Variants in CHD5 observed in about 807,000 individuals in gnomAD.
The protein encoded by CHD5 is ATP-dependent chromatin remodeler CHD5.
CHD5 carries 69 observed loss-of-function variants against 230.3 expected under a neutral mutation model. That is an observed-to-expected ratio of 0.30 (90% CI 0.25 to 0.37). The LOEUF is 0.37. Ranked by LOEUF, CHD5 falls within the 10% of genes least tolerant of loss-of-function variation. The pLI, the probability that CHD5 is intolerant of heterozygous loss-of-function variation, is 1.00. For missense variants in CHD5, 1,827 were observed against 2,622.8 expected, an observed-to-expected ratio of 0.70 and a Z score of 6.63; for synonymous variants, 1,064 against 1,065.9, an observed-to-expected ratio of 1.00 and a Z score of 0.03.
chr1:6,111,028 G>A (rs1666279013), intron 36 of CHD5, among the ~76,000 whole-genome samples: 1 of 151,968 alleles, frequency 6.6e-6, no homozygotes, highest in Non-Finnish European at 1.5e-5. Flanking sequence ...CCAGGAGCTC[G>A]AGACCAGCCT....
intron 38 of CHD5, among the ~76,000 whole-genome samples, chr1:6,107,356 T>A (rs1191461896): frequency 1.9e-5 from 2 of 106,672 alleles, no homozygotes; most frequent in South Asian, 3.6e-4. Flanking sequence ...GGAGGGATAA[T>A]GAAGGAATGA....
In CHD5 at chr1:6,142,645, G is replaced by A. The variant is rs765536397; in HGVS notation, c.2044-40C>T. 1 of 1,574,238 alleles carries A rather than the reference G, an allele frequency of 6.4e-7. No individual in the cohort carries two copies. Among genetic ancestry groups the A allele is most frequent in the Non-Finnish European group, 8.6e-7 (1 of 1,160,004 alleles). ...GCGGTTCAGACACGCCCCAGATCCT[G>A]GGCCACCAGAGTCCACACTACAGGC... On this transcript the variant is annotated intron_variant, in intron 13 of 41. Coordinates refer to ENST00000262450, the MANE Select transcript of CHD5 (RefSeq NM_015557.3). The surrounding 1 kb of genome is among the most constrained non-coding windows in gnomAD (Gnocchi z 5.2).
intron 17 of CHD5, among the ~76,000 whole-genome samples, chr1:6,135,678 T>C (rs1292094625): frequency 1.3e-5 from 2 of 152,210 alleles, no homozygotes; most frequent in African/African-American, 2.4e-5. Context: ...CTGACTCTGA[T>C]GAGTGCCCGA....
chr1:6,138,364 G>A (rs1467464360), intron 15 of CHD5, among the ~76,000 whole-genome samples: 11 of 151,666 alleles, frequency 7.3e-5, no homozygotes, highest in Non-Finnish European at 1.3e-4. Flanking sequence ...GTGACAGAGT[G>A]AGTCTCTGTC....
chr1:6,128,726 G>A lies in CHD5; in HGVS notation c.3619+112C>T, dbSNP rs563135947. The A allele has an allele frequency of 4.8e-6, 6 of 1,247,490 alleles. No individual in the cohort carries two copies. In the Admixed American group the frequency reaches 7.5e-5, roughly 15 times the overall value. The allele number at this position is 1,247,490 out of a possible 1,614,324, so 77.3% of individuals were successfully genotyped here. ...TAGCCAGGAGATACAGGTGGGGGGT[G>A]CAGAAGAGAGGCTGTGTGTTGGAGC... On this transcript the variant is annotated intron_variant, in intron 23 of 41. Transcript: ENST00000262450. The surrounding 1 kb of genome is among the most constrained non-coding windows in gnomAD (Gnocchi z 7.8).
chr1:6,161,148 G>A (rs575379752), intron 2 of CHD5, among the ~76,000 whole-genome samples: 88 of 150,546 alleles, frequency 5.8e-4, no homozygotes, highest in African/African-American at 2.1e-3. Context: ...GAAAGGAAAG[G>A]GTGGCAGAAG....
Position 6,121,157 on chromosome 1 carries a change from C to T in CHD5, c.4860G>A (p.Glu1620=), listed in dbSNP as rs139651442. 4.0e-4 allele frequency: 643 copies of T among 1,614,022 alleles called. No individual in the cohort carries two copies. Among genetic ancestry groups the T allele is most frequent in the Non-Finnish European group, 3.7e-4 (438 of 1,179,958 alleles). ...SPASKERARE[E]RPEETEKAPP... The stretch of plus-strand genomic sequence containing the variant: ...GGGCCTTCTCCGTCTCCTCTGGCCG[C>T]TCCTCTCGGGCTCTCTCCTTGCTGG... The change falls in exon 33 of 42, where the codon GAG becomes GAA. Residue 1620 remains glutamate (E), a synonymous_variant. Coordinates refer to ENST00000262450, the MANE Select transcript of CHD5 (RefSeq NM_015557.3). This position sits in a 1 kb window ranked among gnomAD's most constrained non-coding sequence, Gnocchi z 4.5.
chr1:6,113,041 A>G (rs779541844), intron 33 of CHD5, 43 bp from the exon 34 acceptor site: 1 of 1,371,780 alleles, frequency 7.3e-7, no homozygotes, highest in Non-Finnish European at 1.0e-6. Flanking sequence ...GGGGTCCCAG[A>G]AAACACAGAG....
intron 37 of CHD5, 102 bp from the exon 38 acceptor site, chr1:6,110,092 G>A (rs1666261080): frequency 1.7e-6 from 2 of 1,157,092 alleles, no homozygotes; most frequent in Admixed American, 5.8e-5. Context: ...GCAGAAAGGA[G>A]GGAAAGAGGA....
Position 6,142,681 on chromosome 1 carries a change from G to A in CHD5, c.2044-76C>T, listed in dbSNP as rs964572554. The A allele has an allele frequency of 2.1e-6, 3 of 1,432,226 alleles. No homozygotes were observed. The highest frequency in any genetic ancestry group is 1.3e-5 in the South Asian group (1 of 74,912). The allele number at this position is 1,432,226 out of a possible 1,614,324, so 88.7% of individuals were successfully genotyped here. ...GTCCACACTACAGGCCTTTGCACAT[G>A]CAATTCCTTCTGCCTGGAACACTCT... is the stretch of plus-strand genomic sequence containing the variant. On this transcript the variant is annotated intron_variant, in intron 13 of 41. Transcript: ENST00000262450. The surrounding 1 kb of genome is among the most constrained non-coding windows in gnomAD (Gnocchi z 5.2).
intron 1 of CHD5, among the ~76,000 whole-genome samples, chr1:6,176,803 T>C (rs1201371560): frequency 2.0e-5 from 3 of 152,188 alleles, no homozygotes. Flanking sequence ...CTGCCTGGCT[T>C]GTCCAAGACC....
intron 13 of CHD5, among the ~76,000 whole-genome samples, chr1:6,143,062 T>C (rs1571156737): frequency 4.1e-5 from 1 of 24,220 alleles, no homozygotes; most frequent in Non-Finnish European, 1.5e-4. Flanking sequence ...AGACATTTAC[T>C]TTTTTTTTTT....
At chr1:6,135,183 G>C (rs769454249) in intron 18 of CHD5, 47 bp downstream of exon 18, 1 of 1,608,552 alleles carries the variant, frequency 6.2e-7, no homozygotes, top group Non-Finnish European at 8.5e-7. Flanking sequence ...GACCAGCCCA[G>C]GGGAAAGGGC....
Position 6,109,775 on chromosome 1 carries a change from G to A in CHD5, c.5578+20C>T, listed in dbSNP as rs758655351. ...GAGGAAGGGCGGGGGGCTGCACCGTGGGGGGCAGGACTTGCTCACCCTTGT... is the reference window on the plus strand; with the variant it reads ...GAGGAAGGGCGGGGGGCTGCACCGTAGGGGGCAGGACTTGCTCACCCTTGT... On this transcript the variant is annotated intron_variant, in intron 38 of 41. Coordinates refer to ENST00000262450, the MANE Select transcript of CHD5 (RefSeq NM_015557.3). 37 of 1,604,062 alleles carry A rather than the reference G, an allele frequency of 2.3e-5. No homozygotes were observed. Among genetic ancestry groups the A allele is most frequent in the Non-Finnish European group, 2.7e-5 (32 of 1,174,456 alleles).
chr1:6,118,731 C>T lies in CHD5; in HGVS notation c.4912+2374G>A, dbSNP rs139072778. Among the ~76,000 whole-genome samples, 40 of 151,768 alleles carry T rather than the reference C, an allele frequency of 2.6e-4. No homozygotes were observed. The East Asian group carries it at 6.6e-3, about 25-fold the overall frequency. On this transcript the variant is annotated intron_variant, in intron 33 of 41. Coordinates refer to ENST00000262450, the MANE Select transcript of CHD5 (RefSeq NM_015557.3). ...TTTTTTTTTGAGACAGAATTTCGAT[C>T]TTGTTGCCCAGGCTGGAGTGCAGTG...
In CHD5 at chr1:6,151,080, A is replaced by G. The variant is rs1256723626; in HGVS notation, c.946T>C (p.Ser316Pro). The change falls in exon 7 of 42, where the codon TCT becomes CCT. Residue 316 changes from serine (S) to proline (P), a missense_variant. Physicochemically the swap from Ser to Pro is moderately conservative, Grantham distance 74 (BLOSUM62 -1). Around this residue, in one of 14 missense-constraint regions of CHD5, gnomAD observed 657 missense variants for 816.4 expected, o/e 0.80. Coordinates refer to ENST00000262450, the MANE Select transcript of CHD5 (RefSeq NM_015557.3). ...IHSASVRSEC[S>P]AALGKKSKRR... is the part of the protein sequence containing the mutation. ...TTGCTCTTCTTGCCCAGGGCTGCAG[A>G]GCATTCGGAGCGCACGGAGGCACTG... is the stretch of plus-strand genomic sequence containing the variant. 1.9e-6 allele frequency: 3 copies of G among 1,607,496 alleles called. No homozygotes were observed. Among genetic ancestry groups the G allele is most frequent in the Non-Finnish European group, 2.6e-6 (3 of 1,176,436 alleles).
intron 1 of CHD5, among the ~76,000 whole-genome samples, chr1:6,174,537 ATG>A (rs1667390045): frequency 7.5e-6 from 1 of 133,308 alleles, no homozygotes; most frequent in Admixed American, 7.3e-5. Flanking sequence ...GGATGGATGG[ATG>A]GCAGATGGAT....
rs1056848837 is a variant in CHD5, at chr1:6,103,798, C to T, written c.*1676G>A. 4 of 152,256 alleles carry T rather than the reference C, an allele frequency of 2.6e-5. No individual in the cohort carries two copies. In the East Asian group the frequency reaches 5.8e-4, roughly 22 times the overall value. 9.4% of individuals were successfully genotyped at this position (152,256 alleles called of 1,614,324 possible). A position where few individuals can be genotyped will look rare whatever the true frequency, so the allele number is the denominator to read the frequency against. Reference sequence around the variant, plus strand: ...CAAGAGGAAGGACTTGTAGGTCCCGCCCTCCGGGGTTCAGAGACAGCCTCA... The same window carrying T: ...CAAGAGGAAGGACTTGTAGGTCCCGTCCTCCGGGGTTCAGAGACAGCCTCA... On this transcript the variant is annotated 3_prime_UTR_variant, in exon 42 of 42. Transcript: ENST00000262450.
At chr1:6,136,187 A>G (rs1274542999) in intron 17 of CHD5, among the ~76,000 whole-genome samples, 1 of 152,062 alleles carries the variant, frequency 6.6e-6, no homozygotes, top group Admixed American at 6.5e-5. Context: ...ACGGTTGCCT[A>G]TGTGAGTCAC....
Sources: allele counts gnomAD v4.1 joint callset (sites outside exome capture counted in the v4.1 genomes callset), GRCh38; gene constraint gnomAD v4.1.1; regional missense constraint gnomAD v4.1.1; non-coding constraint Gnocchi (gnomAD v3.1); transcripts MANE v1.5; gene names NCBI Gene and HGNC (gene_info 2026-07-23, HGNC 2026-07-21).